FAM3B: variants seen among roughly 807,000 people sequenced by gnomAD.
FAM3B encodes the protein protein FAM3B.
FAM3B carries 29 observed loss-of-function variants against 28.4 expected under a neutral mutation model. The observed-to-expected ratio is 1.02, with a 90% confidence interval of 0.76 to 1.39. The LOEUF (loss-of-function observed/expected upper bound fraction) is 1.39, where lower values mean the gene tolerates loss of function less well. FAM3B is among the 40% of genes most tolerant of loss of function. The pLI is 0.00. For missense variants in FAM3B, 266 were observed against 293.9 expected, an observed-to-expected ratio of 0.91 and a Z score of 0.69; for synonymous variants, 91 against 103.0, an observed-to-expected ratio of 0.88 and a Z score of 0.71.
chr21:41,327,428 G>A (rs1389136709), intron 2 of FAM3B, among the ~76,000 whole-genome samples: 2 of 152,176 alleles, frequency 1.3e-5, no homozygotes, highest in African/African-American at 2.4e-5. Context: ...TCATCCCAAA[G>A]GTTAGTAGAG....
chr21:41,332,279 C>G (rs1370086167), intron 2 of FAM3B, among the ~76,000 whole-genome samples: 1 of 152,208 alleles, frequency 6.6e-6, no homozygotes, highest in African/African-American at 2.4e-5. Context: ...ACCAAGCTTT[C>G]TTTAAAGCCT....
intron 4 of FAM3B, among the ~76,000 whole-genome samples, chr21:41,345,091 G>A (rs1380790511): frequency 6.6e-6 from 1 of 152,250 alleles, no homozygotes; most frequent in East Asian, 1.9e-4. Flanking sequence ...GGCTGTGGAA[G>A]TGAAGATAAA....
intron 1 of FAM3B, among the ~76,000 whole-genome samples, chr21:41,304,503 C>A (rs889995335): frequency 2.6e-5 from 4 of 152,228 alleles, no homozygotes; most frequent in African/African-American, 9.6e-5. Flanking sequence ...GCCCCCAACT[C>A]CCGTCTAATT....
intron 2 of FAM3B, among the ~76,000 whole-genome samples, chr21:41,327,115 T>C (rs2088861418): frequency 6.6e-6 from 1 of 152,238 alleles, no homozygotes; most frequent in Admixed American, 6.5e-5. Flanking sequence ...AAATATTTAA[T>C]GCATCTGAAA....
rs923413281 is a variant in FAM3B, at chr21:41,345,627, C to T, written c.347-59C>T. On this transcript the variant is annotated intron_variant, in intron 4 of 7. Transcript: ENST00000357985. Reference sequence around the variant, plus strand: ...TATTTCCTTCCCCAGGCCCTGGTGCCACAAGTGCGCCCTAGTTCTGTGAAC... The same window carrying T: ...TATTTCCTTCCCCAGGCCCTGGTGCTACAAGTGCGCCCTAGTTCTGTGAAC... 7.7e-6 allele frequency: 8 copies of T among 1,038,366 alleles called. No homozygotes were observed. The African/African-American group carries it at 1.2e-4, about 15-fold the overall frequency. 64.3% of individuals were successfully genotyped at this position (1,038,366 alleles called of 1,614,324 possible). A position where few individuals can be genotyped will look rare whatever the true frequency, so the allele number is the denominator to read the frequency against.
At chr21:41,335,979 G>C (rs2088951937) in intron 2 of FAM3B, among the ~76,000 whole-genome samples, 1 of 152,160 alleles carries the variant, frequency 6.6e-6, no homozygotes, top group Admixed American at 6.5e-5. Context: ...TTTATATGTT[G>C]AAACCTCATT....
intron 7 of FAM3B, among the ~76,000 whole-genome samples, chr21:41,350,283 C>T (rs2089105060): frequency 6.6e-6 from 1 of 152,170 alleles, no homozygotes; most frequent in Admixed American, 6.5e-5. Context: ...ACTGGGTCCC[C>T]ATCTCTCCGA....
intron 6 of FAM3B, 85 bp from the exon 7 acceptor site, chr21:41,348,507 G>A (rs2089084494): frequency 1.3e-6 from 2 of 1,518,394 alleles, no homozygotes; most frequent in Admixed American, 1.8e-5. Flanking sequence ...ATCCAAGGAT[G>A]CACAGCGTAA....
intron 7 of FAM3B, among the ~76,000 whole-genome samples, chr21:41,355,195 A>AAATTAGAACCCT (rs1388467160): frequency 2.0e-5 from 3 of 152,214 alleles, no homozygotes; most frequent in Non-Finnish European, 4.4e-5. Flanking sequence ...GAATATGGAG[A>AAATTAGAACCCT]AATTAGAACC....
At chr21:41,330,634 C>G (rs2088897425) in intron 2 of FAM3B, among the ~76,000 whole-genome samples, 1 of 152,202 alleles carries the variant, frequency 6.6e-6, no homozygotes, top group African/African-American at 2.4e-5. Context: ...CCATCCTGCT[C>G]TTTGCTTCTA....
rs759274430 is a variant in FAM3B at position 41,345,668 on chromosome 21, C to T, written c.347-18C>T. 40 of 1,510,620 alleles carry T rather than the reference C, an allele frequency of 2.6e-5. No homozygotes were observed. In the Admixed American group the frequency reaches 9.4e-4, roughly 35 times the overall value. The allele number at this position is 1,510,620 out of a possible 1,614,324, so 93.6% of individuals were successfully genotyped here. A position where few individuals can be genotyped will look rare whatever the true frequency, so the allele number is the denominator to read the frequency against. ...TTCTGTGAACTTTCTTTTAAAATAC[C>T]ATTTCTTTTATTTTCAGATGTAACT... On this transcript the variant is annotated intron_variant, in intron 4 of 7. Transcript: ENST00000357985.
In FAM3B at chr21:41,317,196, CTG is replaced by C. The variant is rs1260400709; in HGVS notation, c.19+300_19+301del. ...TTAGGGAGGAACCTGGAATGTAACA[CTG>C]TAACATTTTACTTGGAAAGTAGATT... On this transcript the variant is annotated intron_variant, in intron 1 of 7. Transcript: ENST00000357985. 3.9e-5 allele frequency among the ~76,000 whole-genome samples: 6 copies of C among 152,278 alleles called. No homozygotes were observed. The East Asian group carries it at 1.2e-3, about 30-fold the overall frequency.
intron 1 of FAM3B, among the ~76,000 whole-genome samples, chr21:41,311,251 A>AATATATATAT (rs1168140562): frequency 8.6e-4 from 30 of 35,062 alleles, no homozygotes; most frequent in Admixed American, 1.4e-3. Flanking sequence ...AAAAAAAAAA[A>AATATATATAT]ATATATATAT....
intron 1 of FAM3B, 124 bp from the exon 2 acceptor site, chr21:41,322,799 A>G (rs2088818601): frequency 2.1e-6 from 3 of 1,450,184 alleles, no homozygotes; most frequent in Non-Finnish European, 2.9e-6. Context: ...CCAGGAGCAC[A>G]GTGCCTATAG....
chr21:41,337,430 G>A (rs151227022), intron 2 of FAM3B, among the ~76,000 whole-genome samples: 107 of 152,288 alleles, frequency 7.0e-4, no homozygotes, highest in African/African-American at 1.9e-3. Context: ...TGGGCTCCTC[G>A]CATTCCAGCC....
upstream of FAM3B, among the ~76,000 whole-genome samples, chr21:41,314,175 T>C (rs1395509879): frequency 2.0e-5 from 3 of 151,248 alleles, no homozygotes; most frequent in Admixed American, 2.0e-4. Flanking sequence ...GAGCCCTCAC[T>C]TCTTCTCTCT....
intron 7 of FAM3B, among the ~76,000 whole-genome samples, chr21:41,352,577 G>A (rs1449384568): frequency 2.0e-5 from 3 of 152,172 alleles, no homozygotes; most frequent in Non-Finnish European, 2.9e-5. Flanking sequence ...GGCGGATCAC[G>A]AGGTCAGAAG....
chr21:41,357,076 G>T, intron 7 of FAM3B, 32 bp from the exon 8 acceptor site: 1 of 1,488,442 alleles, frequency 6.7e-7, no homozygotes, highest in Non-Finnish European at 9.2e-7. Context: ...TTAGATTAAT[G>T]AATAAATAAA....
chr21:41,336,791 C>G (rs2088959861), intron 2 of FAM3B, among the ~76,000 whole-genome samples: 2 of 152,136 alleles, frequency 1.3e-5, no homozygotes, highest in African/African-American at 2.4e-5. Context: ...ATTGTTATGT[C>G]TTCTTGATGA....
Sources: allele counts gnomAD v4.1 joint callset (sites outside exome capture counted in the v4.1 genomes callset), GRCh38; gene constraint gnomAD v4.1.1; transcripts MANE v1.5; gene names NCBI Gene and HGNC (gene_info 2026-07-23, HGNC 2026-07-21).